The following VPS13B variants were observed in gnomAD, a reference collection of about 807,000 sequenced individuals.
VPS13B encodes vacuolar protein sorting 13 homolog B, also known as intermembrane lipid transfer protein VPS13B.
VPS13B carries 285 observed loss-of-function variants against 426.4 expected under a neutral mutation model. The observed-to-expected ratio is 0.67, with a 90% confidence interval of 0.61 to 0.74. VPS13B has a LOEUF of 0.74. Ranked by LOEUF, VPS13B falls within the 30% of genes least tolerant of loss-of-function variation. VPS13B has a pLI of 0.00. For synonymous variants in VPS13B, 1,676 were observed against 1,676.4 expected, an observed-to-expected ratio of 1.00 and a Z score of 0.01; for missense variants, 4,537 against 4,782.6, an observed-to-expected ratio of 0.95 and a Z score of 1.51.
chr8:99,819,831 G>A, intron 48 of VPS13B, 90 bp from the exon 49 acceptor site: 1 of 1,501,984 alleles, frequency 6.7e-7, no homozygotes, highest in Non-Finnish European at 9.2e-7. Flanking sequence ...TCATGCAGGA[G>A]CATGGTGTGT....
intron 19 of VPS13B, among the ~76,000 whole-genome samples, chr8:99,306,033 A>G (rs146953691): frequency 2.6e-5 from 4 of 152,262 alleles, no homozygotes; most frequent in South Asian, 2.1e-4. Context: ...TCAGATGACT[A>G]TTAAGACAAA....
chr8:99,122,872 G>T (rs1848011128), intron 8 of VPS13B, among the ~76,000 whole-genome samples: 1 of 152,062 alleles, frequency 6.6e-6, no homozygotes, highest in African/African-American at 2.4e-5. Context: ...CAGCATTTTG[G>T]GAGGCCGAGG....
intron 31 of VPS13B, among the ~76,000 whole-genome samples, chr8:99,556,896 C>G (rs1278573498): frequency 6.6e-6 from 1 of 150,990 alleles, no homozygotes; most frequent in Non-Finnish European, 1.5e-5. Flanking sequence ...AAAAAAAAAG[C>G]TTACTATTTA....
chr8:99,677,857 G>A (rs1284618815), intron 35 of VPS13B, among the ~76,000 whole-genome samples: 1 of 152,150 alleles, frequency 6.6e-6, no homozygotes, highest in Non-Finnish European at 1.5e-5. Context: ...AGTTAGAAGA[G>A]ATAAAGAACA....
intron 19 of VPS13B, among the ~76,000 whole-genome samples, chr8:99,285,828 A>C (rs748011057): frequency 2.0e-5 from 3 of 151,906 alleles, no homozygotes; most frequent in Non-Finnish European, 4.4e-5. Context: ...TCTAGAAAAA[A>C]CCTCATTCTA....
At chr8:99,664,387 T>C (rs1830374433) in intron 35 of VPS13B, among the ~76,000 whole-genome samples, 1 of 151,904 alleles carries the variant, frequency 6.6e-6, no homozygotes, top group African/African-American at 2.4e-5. Context: ...TACATATGTA[T>C]ACATGTGCCG....
rs1446058276 is a variant in VPS13B, at chr8:99,810,436, A to C, written c.8097+906A>C. ...GCAGCAGGGGCTATTCTGTTGCTGC[A>C]TGCCAAGGAGGAATCAGGAAGCTGC... On this transcript the variant is annotated intron_variant, in intron 44 of 61. Coordinates refer to ENST00000357162, the MANE Select transcript of VPS13B (RefSeq NM_152564.5). Among the ~76,000 whole-genome samples, 16 of 152,238 alleles carry C rather than the reference A, an allele frequency of 1.1e-4. 1 individual carries two copies. The highest frequency in any genetic ancestry group is 1.0e-3 in the Admixed American group (16 of 15,282).
In VPS13B at chr8:99,575,666, G is replaced by A. The variant is rs751699219; in HGVS notation, c.4958G>A (p.Arg1653Gln). Residue 1653 changes from arginine (R) to glutamine (Q), a missense_variant, in exon 32 of 62, where the codon CGG becomes CAG. Arg to Gln is a conservative substitution (Grantham distance 43, BLOSUM62 1). Transcript: ENST00000357162. ...LEWNMASSIR[R>Q]HQERRAILTP... ...TTTACTCTATCTTTTAGCATACGGCGGCATCAAGAAAGGAGAGCAATTTTG... is the reference window on the plus strand; with the variant it reads ...TTTACTCTATCTTTTAGCATACGGCAGCATCAAGAAAGGAGAGCAATTTTG... 62 of 1,613,596 alleles carry A rather than the reference G, an allele frequency of 3.8e-5. No homozygotes were observed. In the East Asian group the frequency reaches 5.6e-4, roughly 15 times the overall value.
chr8:99,849,891 C>A (rs1816170625), intron 55 of VPS13B, among the ~76,000 whole-genome samples: 1 of 151,906 alleles, frequency 6.6e-6, no homozygotes, highest in Non-Finnish European at 1.5e-5. Context: ...TATATATGAT[C>A]CTAGTTATGT....
intron 19 of VPS13B, among the ~76,000 whole-genome samples, chr8:99,372,284 A>T (rs1219332093): frequency 6.6e-6 from 1 of 151,970 alleles, no homozygotes; most frequent in Non-Finnish European, 1.5e-5. Context: ...ACCAAAAGCA[A>T]TGGCAACAAA....
At chr8:99,155,576 G>A (rs182116288) in intron 14 of VPS13B, among the ~76,000 whole-genome samples, 1,829 of 152,230 alleles carry the variant, frequency 0.012, 19 homozygotes, top group Non-Finnish European at 0.016. Context: ...ACTTAAAAAA[G>A]CAACATAATT....
chr8:99,757,858 A>G (rs1233695569), intron 39 of VPS13B, among the ~76,000 whole-genome samples: 6 of 152,266 alleles, frequency 3.9e-5, no homozygotes, highest in African/African-American at 7.2e-5. Context: ...AATAATGGAT[A>G]GGAAAACAAA....
chr8:99,660,573 A>C (rs558687895), intron 34 of VPS13B, among the ~76,000 whole-genome samples: 1 of 152,272 alleles, frequency 6.6e-6, no homozygotes, highest in African/African-American at 2.4e-5. Context: ...ACTGTATGCC[A>C]AGATACAGCA....
intron 5 of VPS13B, among the ~76,000 whole-genome samples, chr8:99,107,665 A>T (rs938955447): frequency 1.3e-5 from 2 of 152,190 alleles, no homozygotes; most frequent in Admixed American, 6.5e-5. Flanking sequence ...GCTGGAATGT[A>T]CATCCTTTTT....
At chr8:99,160,043 A>G (rs1210812633) in intron 15 of VPS13B, among the ~76,000 whole-genome samples, 1 of 152,054 alleles carries the variant, frequency 6.6e-6, no homozygotes, top group Non-Finnish European at 1.5e-5. Context: ...GTATAAGTGT[A>G]TACATAACTT....
At chr8:99,816,078 G>GC (rs34174840) in intron 44 of VPS13B, among the ~76,000 whole-genome samples, 29,137 of 150,924 alleles carry the variant, frequency 0.19, 3,334 homozygotes, top group African/African-American at 0.32. Flanking sequence ...CCTCTACCAG[G>GC]CCCCCCATTT....
intron 19 of VPS13B, among the ~76,000 whole-genome samples, chr8:99,381,341 T>G (rs757526106): frequency 1.3e-5 from 2 of 152,194 alleles, no homozygotes; most frequent in Non-Finnish European, 2.9e-5. Flanking sequence ...GTCTTTGCTA[T>G]TGTGAATAGT....
At position 99,234,559 on chromosome 8, in the gene VPS13B, G is replaced by A. The variant is rs1368521523; in HGVS notation, c.2516-39639G>A. 1.1e-5 allele frequency: 5 copies of A among 436,014 alleles called. No individual in the cohort carries two copies. The East Asian group carries it at 3.1e-4, about 27-fold the overall frequency. The allele number at this position is 436,014 out of a possible 1,614,324, so 27.0% of individuals were successfully genotyped here. ...GCCGCAGGGCTGGGGTTCGGGGGCC[G>A]CGTGGCTGGGAGCAGAGCTTGTGCT... On this transcript the variant is annotated intron_variant, in intron 17 of 61. Transcript: ENST00000357162.
At chr8:99,702,897 T>G (rs933773646) in intron 36 of VPS13B, among the ~76,000 whole-genome samples, 10 of 152,156 alleles carry the variant, frequency 6.6e-5, no homozygotes, top group African/African-American at 2.4e-4. Context: ...AGGAATCTTA[T>G]GTGCTAAGTA....
Sources: gnomAD v4.1 joint callset for allele counts (sites outside exome capture counted in the v4.1 genomes callset) on GRCh38, gnomAD v4.1.1 for gene constraint, MANE v1.5 for transcripts, NCBI Gene and HGNC (gene_info 2026-07-23, HGNC 2026-07-21) for gene names.